GALNT13: variants seen among roughly 807,000 people sequenced by gnomAD.
GALNT13 encodes UDP-GalNAc:polypeptide N-acetylgalactosaminyltransferase 13.
GALNT13 carries 28 observed loss-of-function variants against 64.2 expected under a neutral mutation model. The observed-to-expected ratio is 0.44, with a 90% CI of 0.32 to 0.60. The LOEUF is 0.60. Ranked by LOEUF, GALNT13 falls within the 20% of genes least tolerant of loss-of-function variation. The probability of loss-of-function intolerance (pLI) is 0.05; values close to 1 mark genes in which losing one functional copy is unlikely to be tolerated. For missense variants in GALNT13, 577 were observed against 669.8 expected (o/e 0.86, Z 1.53); for synonymous variants, 214 against 224.6 (o/e 0.95, Z 0.42).
the GALNT13 span, among the ~76,000 whole-genome samples, chr2:153,631,264 T>G: frequency 0.27 from 41,457 of 152,012 alleles, 6,013 homozygotes; most frequent in South Asian, 0.42. Context: ...AATGCTGCAA[T>G]AAACATACGT....
chr2:153,507,345 A>C, the GALNT13 span, among the ~76,000 whole-genome samples: 3 of 151,866 alleles, frequency 2.0e-5, no homozygotes, highest in East Asian at 5.8e-4. Context: ...GCAGTGTGCT[A>C]TCTCAGTTCA....
At chr2:154,203,749 G>A (rs531581660) in intron 4 of GALNT13, among the ~76,000 whole-genome samples, 18 of 152,194 alleles carry the variant, frequency 1.2e-4, no homozygotes, top group African/African-American at 4.1e-4. Context: ...CTACATGAAA[G>A]CCCTATTCAT....
At chr2:153,990,768 A>G (rs1695108519) in intron 3 of GALNT13, among the ~76,000 whole-genome samples, 1 of 152,218 alleles carries the variant, frequency 6.6e-6, no homozygotes, top group African/African-American at 2.4e-5. Flanking sequence ...TACAGCTTAC[A>G]AAGCAAAACT....
At chr2:153,492,350 T>C in the GALNT13 span, among the ~76,000 whole-genome samples, 28,515 of 152,202 alleles carry the variant, frequency 0.19, 3,071 homozygotes, top group Admixed American at 0.31. Context: ...ACAGCCACAG[T>C]GTATCTGACA....
At chr2:154,249,899 C>A (rs1170211918) in intron 7 of GALNT13, among the ~76,000 whole-genome samples, 1 of 151,952 alleles carries the variant, frequency 6.6e-6, no homozygotes, top group Admixed American at 6.6e-5. Context: ...TTATGAAGAT[C>A]AAATAAATCA....
At chr2:153,423,269 A>G in the GALNT13 span, among the ~76,000 whole-genome samples, 9 of 151,892 alleles carry the variant, frequency 5.9e-5, no homozygotes, top group African/African-American at 2.2e-4. Flanking sequence ...TTTAAAACAT[A>G]TGATTATTTC....
chr2:153,206,852 G>A, the GALNT13 span, among the ~76,000 whole-genome samples: 4 of 152,022 alleles, frequency 2.6e-5, no homozygotes, highest in Non-Finnish European at 5.9e-5. Flanking sequence ...AGTTAATAAA[G>A]AAGTCAATAG....
chr2:154,454,362 T>C (rs1308372539), downstream of GALNT13, among the ~76,000 whole-genome samples: 1 of 152,094 alleles, frequency 6.6e-6, no homozygotes, highest in Non-Finnish European at 1.5e-5. Context: ...GAAAAATATC[T>C]TCATTAAACA....
the GALNT13 span, among the ~76,000 whole-genome samples, chr2:153,806,453 T>C: frequency 6.6e-6 from 1 of 151,980 alleles, no homozygotes; most frequent in Admixed American, 6.6e-5. Context: ...ATAATAATAT[T>C]CTAACTAAAA....
the GALNT13 span, among the ~76,000 whole-genome samples, chr2:153,832,162 T>C: frequency 3.9e-5 from 6 of 152,182 alleles, no homozygotes; most frequent in Non-Finnish European, 8.8e-5. Context: ...AATGCCTGAA[T>C]AATCTGACTG....
At chr2:153,492,676 A>G in the GALNT13 span, among the ~76,000 whole-genome samples, 1 of 152,212 alleles carries the variant, frequency 6.6e-6, no homozygotes, top group Non-Finnish European at 1.5e-5. Context: ...TAGAAAAACT[A>G]AAAAATAAGT....
intron 3 of GALNT13, among the ~76,000 whole-genome samples, chr2:154,069,554 GTTTCT>G (rs1558941089): frequency 6.6e-6 from 1 of 151,786 alleles, no homozygotes; most frequent in Non-Finnish European, 1.5e-5. Flanking sequence ...ATTTAAGCAT[GTTTCT>G]TTTCTTTTGG....
the GALNT13 span, among the ~76,000 whole-genome samples, chr2:153,247,774 G>A: frequency 3.3e-5 from 5 of 152,122 alleles, no homozygotes; most frequent in African/African-American, 1.2e-4. Flanking sequence ...GTGAATCCAG[G>A]AGGTGGTTTT....
intron 9 of GALNT13, among the ~76,000 whole-genome samples, chr2:154,361,096 T>G (rs1697042064): frequency 6.6e-6 from 1 of 152,100 alleles, no homozygotes; most frequent in Non-Finnish European, 1.5e-5. Flanking sequence ...CTAATTTCTC[T>G]ACATATTTTT....
At chr2:153,938,603 G>T (rs974926727) in intron 2 of GALNT13, among the ~76,000 whole-genome samples, 3 of 152,184 alleles carry the variant, frequency 2.0e-5, no homozygotes, top group Non-Finnish European at 4.4e-5. Flanking sequence ...CAGACTGGGT[G>T]CCTTAAACAA....
chr2:153,429,564 A>G, the GALNT13 span, among the ~76,000 whole-genome samples: 1 of 152,182 alleles, frequency 6.6e-6, no homozygotes, highest in East Asian at 1.9e-4. Flanking sequence ...AGATAGTTAT[A>G]TCATCTTGGC....
the GALNT13 span, among the ~76,000 whole-genome samples, chr2:153,618,402 CT>C: frequency 4.7e-3 from 708 of 151,210 alleles, 1 homozygote; most frequent in Non-Finnish European, 7.5e-3. Context: ...ACATTATTTC[CT>C]TTTTTTTAAT....
the GALNT13 span, among the ~76,000 whole-genome samples, chr2:153,451,323 T>C: frequency 6.6e-6 from 1 of 152,176 alleles, no homozygotes; most frequent in African/African-American, 2.4e-5. Flanking sequence ...AACCCATATG[T>C]AACATCATTT....
At chr2:153,374,740 C>T in the GALNT13 span, among the ~76,000 whole-genome samples, 569 of 152,206 alleles carry the variant, frequency 3.7e-3, 3 homozygotes, top group Non-Finnish European at 5.7e-3. Context: ...CTATTTATTA[C>T]GCTAATCTCC....
Sources: allele counts gnomAD v4.1 joint callset (sites outside exome capture counted in the v4.1 genomes callset), GRCh38; gene constraint gnomAD v4.1.1; transcripts MANE v1.5; gene names NCBI Gene and HGNC (gene_info 2026-07-23, HGNC 2026-07-21).